The following RABGAP1L variants were observed in gnomAD, a reference collection of about 807,000 sequenced individuals.
The protein encoded by RABGAP1L is RAB GTPase activating protein 1 like.
RABGAP1L carries 63 observed loss-of-function variants against 137.7 expected under a neutral mutation model. The ratio of observed to expected loss-of-function variants is 0.46; its 90% CI spans 0.37 to 0.56. The LOEUF (loss-of-function observed/expected upper bound fraction) is 0.56. Among genes scored for constraint, RABGAP1L ranks in the 20% least tolerant of loss-of-function variants. RABGAP1L has a pLI of 0.00. For synonymous variants in RABGAP1L, 431 were observed against 433.7 expected (o/e 0.99, Z 0.08); for missense variants, 1,095 against 1,244.0 (o/e 0.88, Z 1.80).
At chr1:174,403,616 T>C (rs1236905421) in intron 13 of RABGAP1L, among the ~76,000 whole-genome samples, 1 of 152,128 alleles carries the variant, frequency 6.6e-6, no homozygotes, top group South Asian at 2.1e-4. Context: ...CAATATGATA[T>C]TACATCATGA....
chr1:174,874,652 T>A, intron 19 of RABGAP1L: 1 of 312,164 alleles, frequency 3.2e-6, no homozygotes, highest in Non-Finnish European at 4.4e-6. Context: ...CACTCAGGTG[T>A]AAACAACCCA....
chr1:174,656,799 G>A (rs1676007307), intron 14 of RABGAP1L, among the ~76,000 whole-genome samples: 1 of 152,162 alleles, frequency 6.6e-6, no homozygotes, highest in South Asian at 2.1e-4. Context: ...TGATTGAATA[G>A]ACATGTCCTT....
chr1:174,875,568 G>A, intron 19 of RABGAP1L: 1 of 985,386 alleles, frequency 1.0e-6, no homozygotes. Context: ...TCACTGAATA[G>A]CAAAGAAAAA....
chr1:174,180,107 A>G (rs1225657477), intron 1 of RABGAP1L, among the ~76,000 whole-genome samples: 1 of 152,222 alleles, frequency 6.6e-6, no homozygotes. Context: ...CCTTTATATC[A>G]GTTGCTAAGT....
rs192002618 is a variant in RABGAP1L, at chr1:174,372,338, A to G, written c.1559+1266A>G. On this transcript the variant is annotated intron_variant, in intron 12 of 25. Coordinates refer to ENST00000681986, the MANE Select transcript of RABGAP1L (RefSeq NM_001366446.1). ...AGGCACAGGAGTTTTTAGCAGGATTATGACATTATTCATACAGGGCTGGTG... is the reference window on the plus strand; with the variant it reads ...AGGCACAGGAGTTTTTAGCAGGATTGTGACATTATTCATACAGGGCTGGTG... 1.9e-3 allele frequency among the ~76,000 whole-genome samples: 291 copies of G among 152,232 alleles called. 1 individual carries two copies. The highest frequency in any genetic ancestry group is 2.6e-4 in the Non-Finnish European group (18 of 67,998).
intron 13 of RABGAP1L, among the ~76,000 whole-genome samples, chr1:174,403,247 G>GTA (rs144746133): frequency 0.011 from 1,388 of 129,376 alleles, 36 homozygotes; most frequent in African/African-American, 0.04. Flanking sequence ...GTGTGTGTGT[G>GTA]TATATATATG....
chr1:174,672,850 T>C (rs1325638824), intron 14 of RABGAP1L, among the ~76,000 whole-genome samples: 2 of 152,180 alleles, frequency 1.3e-5, no homozygotes, highest in Admixed American at 6.6e-5. Context: ...TAGACATCTT[T>C]CATGGGAAAG....
intron 15 of RABGAP1L, among the ~76,000 whole-genome samples, chr1:174,684,838 G>A (rs1012736597): frequency 2.6e-5 from 4 of 152,242 alleles, no homozygotes; most frequent in African/African-American, 7.2e-5. Flanking sequence ...GTATCTGGGT[G>A]TGTTGGTGAG....
chr1:174,930,856 G>A (rs78770918), intron 19 of RABGAP1L, among the ~76,000 whole-genome samples: 3,179 of 152,132 alleles, frequency 0.021, 48 homozygotes, highest in Middle Eastern at 0.078. Flanking sequence ...CCATAATATT[G>A]ATATCAGACC....
chr1:174,582,089 A>G (rs980337088), intron 13 of RABGAP1L, among the ~76,000 whole-genome samples: 1 of 152,118 alleles, frequency 6.6e-6, no homozygotes, highest in African/African-American at 2.4e-5. Flanking sequence ...TGTAGGTCCC[A>G]GACTAGGTGA....
At chr1:174,320,832 G>A (rs922245286) in intron 11 of RABGAP1L, among the ~76,000 whole-genome samples, 3 of 152,084 alleles carry the variant, frequency 2.0e-5, no homozygotes, top group Non-Finnish European at 2.9e-5. Flanking sequence ...CAAACTGTTC[G>A]TAAAGCATGT....
intron 18 of RABGAP1L, among the ~76,000 whole-genome samples, chr1:174,802,630 G>A (rs1274936738): frequency 2.0e-5 from 3 of 152,122 alleles, no homozygotes; most frequent in East Asian, 1.9e-4. Flanking sequence ...AAAAGCATAC[G>A]CTGATTTATC....
chr1:174,433,767 A>G (rs896740551), intron 13 of RABGAP1L, among the ~76,000 whole-genome samples: 3 of 152,198 alleles, frequency 2.0e-5, no homozygotes, highest in Non-Finnish European at 4.4e-5. Flanking sequence ...GCACATTGCT[A>G]CAAAGGATTC....
chr1:174,657,532 A>G (rs11808301), intron 14 of RABGAP1L, among the ~76,000 whole-genome samples: 1,899 of 152,242 alleles, frequency 0.012, 14 homozygotes, highest in Non-Finnish European at 0.018. Flanking sequence ...TTTATTTAAC[A>G]TAATGTCCTC....
At chr1:174,662,121 T>TTTTTTTTTTTTTTTTTTG (rs59243192) in intron 14 of RABGAP1L, among the ~76,000 whole-genome samples, 1 of 135,224 alleles carries the variant, frequency 7.4e-6, no homozygotes, top group African/African-American at 3.0e-5. Flanking sequence ...TTTTTTTTTT[T>TTTTTTTTTTTTTTTTTTG]GAGTTGGAGT....
At chr1:174,967,811 A>G (rs1192574393) in intron 20 of RABGAP1L, among the ~76,000 whole-genome samples, 1 of 152,106 alleles carries the variant, frequency 6.6e-6, no homozygotes, top group Admixed American at 6.6e-5. Flanking sequence ...AACACTGAGT[A>G]GAATTCTATT....
In RABGAP1L at chr1:174,278,507, A is replaced by G. The variant is rs571029709; in HGVS notation, c.1157-106A>G. 1.4e-4 allele frequency: 113 copies of G among 815,002 alleles called. No individual in the cohort carries two copies. In the South Asian group the frequency reaches 1.9e-3, roughly 14 times the overall value. 50.5% of individuals were successfully genotyped at this position (815,002 alleles called of 1,614,324 possible). On this transcript the variant is annotated intron_variant, in intron 9 of 25. Transcript: ENST00000681986. ...ACAGTTAAAAATAAACATAGAAGGT[A>G]TTACAATTGTAAAGAACTTTAATTC...
intron 1 of RABGAP1L, among the ~76,000 whole-genome samples, chr1:174,192,318 G>GTTTTTTTTTTTTTTTTTTTTTT (rs3056994): frequency 8.9e-6 from 1 of 112,948 alleles, no homozygotes. Flanking sequence ...TGTCTGAGGT[G>GTTTTTTTTTTTTTTTTTTTTTT]TTTTTTTTTT....
At chr1:174,541,783 A>C (rs1442754244) in intron 13 of RABGAP1L, among the ~76,000 whole-genome samples, 2 of 152,066 alleles carry the variant, frequency 1.3e-5, no homozygotes, top group East Asian at 1.9e-4. Flanking sequence ...CTCAAAAAAA[A>C]AAAAAGTTTT....
Sources: allele counts gnomAD v4.1 joint callset (sites outside exome capture counted in the v4.1 genomes callset), GRCh38; gene constraint gnomAD v4.1.1; transcripts MANE v1.5; gene names NCBI Gene and HGNC (gene_info 2026-07-23, HGNC 2026-07-21).